The following ELP4 variants were observed in gnomAD, a reference collection of about 807,000 sequenced individuals.
ELP4 encodes the protein elongator complex protein 4.
A neutral mutation model predicts 48.9 loss-of-function variants in ELP4; 51 were observed. The ratio of observed to expected loss-of-function variants is 1.04; its 90% confidence interval spans 0.83 to 1.32. The LOEUF (loss-of-function observed/expected upper bound fraction) is 1.32. Among genes scored for constraint, ELP4 ranks in the 40% most tolerant of loss-of-function variants. The pLI is 0.00. For synonymous variants in ELP4, 210 were observed against 189.2 expected (o/e 1.11, Z -0.90); for missense variants, 519 against 514.6 (o/e 1.01, Z -0.08).
At chr11:31,779,864 C>T (rs1482337866) in intron 9 of ELP4, 2 of 152,222 alleles carry the variant, frequency 1.3e-5, no homozygotes, top group Non-Finnish European at 2.9e-5. Context: ...AGCCAGCCAG[C>T]TATCCATCTC....
intron 3 of ELP4, among the ~76,000 whole-genome samples, chr11:31,573,284 C>G (rs753389229): frequency 6.6e-5 from 10 of 152,166 alleles, no homozygotes; most frequent in Non-Finnish European, 1.3e-4. Flanking sequence ...GCATATACCT[C>G]AAAACTCTTC....
chr11:31,721,947 G>T (rs1946970242), intron 9 of ELP4, among the ~76,000 whole-genome samples: 1 of 152,030 alleles, frequency 6.6e-6, no homozygotes, highest in Admixed American at 6.6e-5. Flanking sequence ...CGATGTTGTG[G>T]CCCTCTCCAG....
rs1956179868 is a variant in ELP4 at position 31,519,680 on chromosome 11, C to G, written c.224-376C>G. On this transcript the variant is annotated intron_variant, in intron 1 of 9. Transcript: ENST00000640961. ...TCTCTGCTAAAAATACAAAAATTAG[C>G]CAGGCGTGGTAGTGGGCACCTGTAA... 2.6e-5 allele frequency among the ~76,000 whole-genome samples: 4 copies of G among 152,124 alleles called. 1 individual carries two copies. The South Asian group carries it at 8.3e-4, about 32-fold the overall frequency.
intron 2 of ELP4, among the ~76,000 whole-genome samples, chr11:31,534,071 C>T (rs1247607885): frequency 6.6e-6 from 1 of 151,914 alleles, no homozygotes; most frequent in Non-Finnish European, 1.5e-5. Context: ...CTCCTGACCT[C>T]GTGATCCGCC....
intron 6 of ELP4, among the ~76,000 whole-genome samples, chr11:31,627,858 C>A (rs902949107): frequency 7.9e-5 from 12 of 152,004 alleles, no homozygotes; most frequent in African/African-American, 2.9e-4. Flanking sequence ...ATTATTTTAG[C>A]AGAAGTATTT....
intron 3 of ELP4, among the ~76,000 whole-genome samples, chr11:31,558,954 G>C (rs926619385): frequency 6.6e-6 from 1 of 151,968 alleles, no homozygotes; most frequent in Non-Finnish European, 1.5e-5. Flanking sequence ...CAGAAGAAAA[G>C]ATATTCAATC....
intron 1 of ELP4, among the ~76,000 whole-genome samples, chr11:31,518,364 C>T (rs1466543700): frequency 6.6e-6 from 1 of 152,062 alleles, no homozygotes; most frequent in Non-Finnish European, 1.5e-5. Flanking sequence ...CCTCAGCCTC[C>T]CAAAGTGCTG....
chr11:31,556,265 T>C (rs971520907), intron 3 of ELP4, among the ~76,000 whole-genome samples: 1 of 151,934 alleles, frequency 6.6e-6, no homozygotes, highest in African/African-American at 2.4e-5. Context: ...TATTAAAGCT[T>C]TTAAAAACAC....
At chr11:31,694,497 G>C (rs1034182923) in intron 9 of ELP4, among the ~76,000 whole-genome samples, 2 of 151,910 alleles carry the variant, frequency 1.3e-5, no homozygotes, top group African/African-American at 2.4e-5. Flanking sequence ...ATTTCTGAGG[G>C]CTCTGTTCTG....
At chr11:31,687,530 G>T (rs1215569963) in intron 9 of ELP4, 1 of 152,176 alleles carries the variant, frequency 6.6e-6, no homozygotes, top group Non-Finnish European at 1.5e-5. Context: ...AGTTTCAGGG[G>T]CATAGGGCTC....
intron 3 of ELP4, among the ~76,000 whole-genome samples, chr11:31,589,828 A>G (rs544643468): frequency 6.6e-6 from 1 of 152,338 alleles, no homozygotes; most frequent in African/African-American, 2.4e-5. Flanking sequence ...ACACTTGTCC[A>G]CAAAAAACAT....
At chr11:31,641,877 C>T (rs1039955451) in intron 7 of ELP4, among the ~76,000 whole-genome samples, 2 of 151,914 alleles carry the variant, frequency 1.3e-5, no homozygotes, top group African/African-American at 4.8e-5. Context: ...GCTGGATGCT[C>T]TGTTTGATAT....
chr11:31,773,338 G>A (rs1948186282), intron 9 of ELP4, among the ~76,000 whole-genome samples: 1 of 152,172 alleles, frequency 6.6e-6, no homozygotes, highest in Admixed American at 6.5e-5. Flanking sequence ...AGAAAATGGG[G>A]AATTAGTGAA....
intron 9 of ELP4, among the ~76,000 whole-genome samples, chr11:31,755,053 T>C (rs1947804960): frequency 6.6e-6 from 1 of 152,104 alleles, no homozygotes; most frequent in African/African-American, 2.4e-5. Context: ...CTGAACATCA[T>C]GTGCCAAAAA....
At chr11:31,635,097 A>G (rs1944945790) in intron 7 of ELP4, among the ~76,000 whole-genome samples, 1 of 152,024 alleles carries the variant, frequency 6.6e-6, no homozygotes, top group African/African-American at 2.4e-5. Context: ...GAGAAAATAT[A>G]AAACTTGTAC....
intron 9 of ELP4, among the ~76,000 whole-genome samples, chr11:31,749,845 A>G (rs2134236512): frequency 6.6e-6 from 1 of 151,834 alleles, no homozygotes; most frequent in South Asian, 2.1e-4. Context: ...GCATCTCTGA[A>G]CCTTTATGAC....
At chr11:31,729,146 T>C (rs1947134481) in intron 9 of ELP4, among the ~76,000 whole-genome samples, 1 of 152,218 alleles carries the variant, frequency 6.6e-6, no homozygotes, top group Admixed American at 6.5e-5. Flanking sequence ...GTAGCTCATT[T>C]TAAAATGTGC....
chr11:31,790,305 A>T lies in ELP4; in HGVS notation c.*6781A>T. On this transcript the variant is annotated 3_prime_UTR_variant, in exon 10 of 10. Coordinates refer to ENST00000640961, the MANE Select transcript of ELP4 (RefSeq NM_019040.5). Reference sequence around the variant, plus strand: ...TGTTTGCATGTTTGGAACTTTTACAATAAAGCTGTCTCTGGAAAACCAATG... The same window carrying T: ...TGTTTGCATGTTTGGAACTTTTACATTAAAGCTGTCTCTGGAAAACCAATG... The T allele has an allele frequency of 1.6e-6, 1 of 633,022 alleles. No individual in the cohort carries two copies. Among genetic ancestry groups the T allele is most frequent in the Non-Finnish European group, 2.4e-6 (1 of 424,950 alleles). The allele number at this position is 633,022 out of a possible 1,614,324, so 39.2% of individuals were successfully genotyped here.
At chr11:31,575,763 C>A (rs1396238531) in intron 3 of ELP4, among the ~76,000 whole-genome samples, 1 of 152,188 alleles carries the variant, frequency 6.6e-6, no homozygotes, top group Non-Finnish European at 1.5e-5. Flanking sequence ...TACCACCAGG[C>A]TTGCCTTACA....
Sources: allele counts gnomAD v4.1 joint callset (sites outside exome capture counted in the v4.1 genomes callset), GRCh38; gene constraint gnomAD v4.1.1; transcripts MANE v1.5; gene names NCBI Gene and HGNC (gene_info 2026-07-23, HGNC 2026-07-21).